The following DNAAF9 variants were observed in gnomAD, a reference collection of about 807,000 sequenced individuals.
DNAAF9 encodes dynein axonemal assembly factor 9, also known as shulin.
A neutral mutation model predicts 167.0 loss-of-function variants in DNAAF9; 90 were observed. The observed-to-expected ratio is 0.54, with a 90% confidence interval of 0.45 to 0.64. DNAAF9 has a LOEUF of 0.64. Among genes scored for constraint, DNAAF9 ranks in the 30% least tolerant of loss-of-function variants. The pLI is 0.00. For synonymous variants in DNAAF9, 491 were observed against 508.8 expected, an observed-to-expected ratio of 0.96 and a Z score of 0.47; for missense variants, 1,315 against 1,442.2, an observed-to-expected ratio of 0.91 and a Z score of 1.43.
intron 1 of DNAAF9, among the ~76,000 whole-genome samples, chr20:3,400,410 C>T (rs2083966571): frequency 6.6e-6 from 1 of 151,864 alleles, no homozygotes; most frequent in Non-Finnish European, 1.5e-5. Context: ...TTGATAAATG[C>T]ACCAGGGTTA....
chr20:3,354,759 G>T (rs2083262159), intron 7 of DNAAF9, among the ~76,000 whole-genome samples: 1 of 152,178 alleles, frequency 6.6e-6, no homozygotes, highest in East Asian at 1.9e-4. Context: ...TCCAAATACA[G>T]TTGAATCTGG....
At chr20:3,305,019 C>T (rs2069265483) in intron 20 of DNAAF9, among the ~76,000 whole-genome samples, 1 of 152,164 alleles carries the variant, frequency 6.6e-6, no homozygotes, top group Non-Finnish European at 1.5e-5. Context: ...TCCCTGTGCC[C>T]AGCAACAGAA....
At chr20:3,310,502 T>C (rs2069395167) in intron 20 of DNAAF9, among the ~76,000 whole-genome samples, 1 of 151,812 alleles carries the variant, frequency 6.6e-6, no homozygotes, top group South Asian at 2.1e-4. Context: ...TTGGCCAACA[T>C]GGCGAAACCC....
intron 32 of DNAAF9, 82 bp from the exon 33 acceptor site, chr20:3,259,636 A>C: frequency 1.0e-6 from 1 of 962,904 alleles, no homozygotes; most frequent in Non-Finnish European, 1.7e-6. Flanking sequence ...AGTTTTAGGG[A>C]CTGGGGAGGG....
intron 30 of DNAAF9, among the ~76,000 whole-genome samples, chr20:3,268,734 A>G (rs571154032): frequency 1.3e-5 from 2 of 152,286 alleles, no homozygotes; most frequent in South Asian, 4.1e-4. Flanking sequence ...CTACATTAAA[A>G]AGGTATATAA....
rs386393120 is a variant in DNAAF9 at position 3,268,897 on chromosome 20, C to CTT, written c.2786+1528_2786+1529dup. 2.7e-3 allele frequency among the ~76,000 whole-genome samples: 229 copies of CTT among 85,816 alleles called. 2 individuals carry two copies. The highest frequency in any genetic ancestry group is 0.01 in the Middle Eastern group (1 of 100). The allele number at this position is 85,816 out of a possible 152,430, so 56.3% of individuals were successfully genotyped here. A position where few individuals can be genotyped will look rare whatever the true frequency, so the allele number is the denominator to read the frequency against. On this transcript the variant is annotated intron_variant, in intron 30 of 36. Transcript: ENST00000252032. The stretch of plus-strand genomic sequence containing the variant: ...GTAAAGAGATAATATCTCTATGTTA[C>CTT]TTTTTTTTTTTTTTTTTTTTTTTTG...
intron 1 of DNAAF9, among the ~76,000 whole-genome samples, chr20:3,387,922 C>A (rs907165988): frequency 7.9e-6 from 1 of 126,364 alleles, no homozygotes; most frequent in Non-Finnish European, 1.7e-5. Flanking sequence ...AAAAATTAGC[C>A]GGATGTGGTA....
intron 1 of DNAAF9, among the ~76,000 whole-genome samples, chr20:3,402,981 TA>T (rs1197718820): frequency 8.5e-5 from 13 of 152,216 alleles, no homozygotes; most frequent in East Asian, 1.9e-4. Flanking sequence ...GGAATGTATT[TA>T]TTTTTTTATC....
At chr20:3,323,979 T>C (rs139050883) in intron 14 of DNAAF9, among the ~76,000 whole-genome samples, 7 of 152,276 alleles carry the variant, frequency 4.6e-5, no homozygotes, top group African/African-American at 9.6e-5. Context: ...CAGAAACAGA[T>C]AGCACAGGGC....
At chr20:3,321,748 T>C (rs2069620065) in intron 16 of DNAAF9, among the ~76,000 whole-genome samples, 1 of 152,174 alleles carries the variant, frequency 6.6e-6, no homozygotes, top group Admixed American at 6.5e-5. Flanking sequence ...AAAAAAATTT[T>C]TTTTTTTAGA....
At chr20:3,267,594 G>C (rs1020082606) in intron 30 of DNAAF9, among the ~76,000 whole-genome samples, 1 of 151,258 alleles carries the variant, frequency 6.6e-6, no homozygotes, top group Admixed American at 6.6e-5. Flanking sequence ...TTGATCTTTG[G>C]GAGGCCGAGG....
intron 8 of DNAAF9, among the ~76,000 whole-genome samples, chr20:3,344,715 T>C (rs981939190): frequency 5.9e-5 from 9 of 151,996 alleles, no homozygotes; most frequent in African/African-American, 1.7e-4. Context: ...AATGAAATCA[T>C]AGAATAAAAA....
At chr20:3,304,873 A>C (rs1414329202) in intron 20 of DNAAF9, among the ~76,000 whole-genome samples, 2 of 152,240 alleles carry the variant, frequency 1.3e-5, no homozygotes, top group African/African-American at 2.4e-5. Context: ...TATCTGCTCC[A>C]TTACTGAGTT....
chr20:3,288,088 C>T (rs1240022261), intron 26 of DNAAF9, among the ~76,000 whole-genome samples: 1 of 152,344 alleles, frequency 6.6e-6, no homozygotes, highest in South Asian at 2.1e-4. Flanking sequence ...CTCCTTCTGA[C>T]CAGGCAGTCA....
intron 25 of DNAAF9, among the ~76,000 whole-genome samples, chr20:3,291,534 G>A (rs1281111576): frequency 2.6e-5 from 4 of 151,778 alleles, no homozygotes; most frequent in Admixed American, 6.6e-5. Flanking sequence ...TAGTAGAGAC[G>A]GGGCTTCACC....
intron 6 of DNAAF9, among the ~76,000 whole-genome samples, chr20:3,363,870 T>A (rs966762576): frequency 2.0e-5 from 3 of 152,222 alleles, no homozygotes; most frequent in Admixed American, 1.3e-4. Flanking sequence ...TCATCTAGTA[T>A]ATTTTTCCTC....
chr20:3,301,727 T>C (rs2069192860), intron 21 of DNAAF9, among the ~76,000 whole-genome samples: 3 of 152,190 alleles, frequency 2.0e-5, no homozygotes, highest in Non-Finnish European at 4.4e-5. Flanking sequence ...TACTGTTACA[T>C]ATGATAGCAG....
At chr20:3,378,910 T>C (rs2083609957) in intron 3 of DNAAF9, among the ~76,000 whole-genome samples, 1 of 148,742 alleles carries the variant, frequency 6.7e-6, no homozygotes, top group Admixed American at 6.7e-5. Flanking sequence ...ACACAGGATG[T>C]AGCAGCCTCA....
intron 1 of DNAAF9, chr20:3,384,140 T>C (rs2083700747): frequency 6.6e-6 from 1 of 152,216 alleles, no homozygotes. Flanking sequence ...AACTCATTCA[T>C]TCCATGACTT....
Sources: gnomAD v4.1 joint callset for allele counts (sites outside exome capture counted in the v4.1 genomes callset) on GRCh38, gnomAD v4.1.1 for gene constraint, MANE v1.5 for transcripts, NCBI Gene and HGNC (gene_info 2026-07-23, HGNC 2026-07-21) for gene names.